The following CEP63 variants were observed in gnomAD, a reference collection of about 807,000 sequenced individuals.
The protein encoded by CEP63 is centrosomal protein 63.
In CEP63, 84 loss-of-function variants were observed where a neutral mutation model predicts 89.1. That is an observed-to-expected ratio of 0.94 (90% CI 0.79 to 1.13). The LOEUF is 1.13. CEP63 is among the 50% of genes most tolerant of loss of function. The pLI, the probability that CEP63 is intolerant of heterozygous loss-of-function variation, is 0.00. For missense variants in CEP63, 838 were observed against 813.3 expected, an observed-to-expected ratio of 1.03 and a Z score of -0.37; for synonymous variants, 267 against 272.5, an observed-to-expected ratio of 0.98 and a Z score of 0.20.
Position 134,549,081 on chromosome 3 carries a change from A to G in CEP63, c.1087A>G (p.Thr363Ala), listed in dbSNP as rs749003906. The G allele has an allele frequency of 3.1e-6, 5 of 1,612,480 alleles. No homozygotes were observed. Among genetic ancestry groups the G allele is most frequent in the Admixed American group, 3.3e-5 (2 of 60,002 alleles). Reference protein sequence around the residue: ...LEGSLESVSATCKQLSQELME... With the variant: ...LEGSLESVSAACKQLSQELME... Reference sequence around the variant, plus strand: ...ATACAGTTTGGAATCTGTGAGTGCAACGTGTAAACAGCTGAGCCAAGAACT... The same window carrying G: ...ATACAGTTTGGAATCTGTGAGTGCAGCGTGTAAACAGCTGAGCCAAGAACT... The change falls in exon 10 of 15, where the codon ACG (threonine) becomes GCG (alanine). Residue 363 changes from threonine (T) to alanine (A), a missense_variant. Physicochemically the swap from Thr to Ala is moderately conservative, Grantham distance 58 (BLOSUM62 0). Coordinates refer to ENST00000675561, the MANE Select transcript of CEP63 (RefSeq NM_001353108.3).
chr3:134,684,334 C>G, the CEP63 span, among the ~76,000 whole-genome samples: 1 of 152,160 alleles, frequency 6.6e-6, no homozygotes, highest in Admixed American at 6.5e-5. Context: ...TAAAGTCTTC[C>G]TTTCCATCTT....
At chr3:134,699,682 A>T in the CEP63 span, among the ~76,000 whole-genome samples, 8 of 152,156 alleles carry the variant, frequency 5.3e-5, no homozygotes, top group Non-Finnish European at 4.4e-5. Context: ...TCCTGTACAC[A>T]TCACAATCAC....
chr3:134,638,790 A>G, the CEP63 span, among the ~76,000 whole-genome samples: 4 of 152,354 alleles, frequency 2.6e-5, no homozygotes, highest in South Asian at 2.1e-4. Flanking sequence ...GGATTTATCT[A>G]AAGGCCTAAT....
the CEP63 span, among the ~76,000 whole-genome samples, chr3:134,680,767 G>C: frequency 6.6e-6 from 1 of 152,328 alleles, no homozygotes; most frequent in East Asian, 1.9e-4. Flanking sequence ...GAAAAGAAGA[G>C]AGCTCAAAGA....
downstream of CEP63, among the ~76,000 whole-genome samples, chr3:134,589,833 G>T (rs1390609477): frequency 6.6e-6 from 1 of 152,026 alleles, no homozygotes; most frequent in Non-Finnish European, 1.5e-5. Context: ...AATAGCAAAG[G>T]CATGGAATCA....
At chr3:134,744,796 G>C in the CEP63 span, among the ~76,000 whole-genome samples, 3 of 152,100 alleles carry the variant, frequency 2.0e-5, no homozygotes, top group African/African-American at 7.2e-5. Context: ...AGGATTAGTG[G>C]TGTGAGCCAC....
the CEP63 span, among the ~76,000 whole-genome samples, chr3:134,667,803 G>T: frequency 2.0e-5 from 3 of 152,182 alleles, no homozygotes; most frequent in Non-Finnish European, 4.4e-5. Flanking sequence ...AGACCCCGGG[G>T]CAAAGAGAGC....
At chr3:134,733,160 C>T in the CEP63 span, among the ~76,000 whole-genome samples, 1 of 152,088 alleles carries the variant, frequency 6.6e-6, no homozygotes, top group African/African-American at 2.4e-5. Context: ...GGACAAGACA[C>T]CATCTCTATA....
At chr3:134,700,678 C>G in the CEP63 span, among the ~76,000 whole-genome samples, 2 of 152,098 alleles carry the variant, frequency 1.3e-5, no homozygotes, top group South Asian at 4.1e-4. Context: ...ACAGTCATAT[C>G]ACAGATTAGA....
At chr3:134,648,799 C>T in the CEP63 span, among the ~76,000 whole-genome samples, 1 of 152,312 alleles carries the variant, frequency 6.6e-6, no homozygotes, top group East Asian at 1.9e-4. Context: ...TGCATTGCAA[C>T]AATAATTGAG....
At chr3:134,644,972 G>A in the CEP63 span, among the ~76,000 whole-genome samples, 2 of 152,254 alleles carry the variant, frequency 1.3e-5, no homozygotes, top group Non-Finnish European at 2.9e-5. Context: ...GGCCAGGACC[G>A]CCTTCTGCAG....
intron 2 of CEP63, among the ~76,000 whole-genome samples, chr3:134,503,100 C>CTTTTTTTT (rs34673408): frequency 3.5e-3 from 325 of 91,948 alleles, no homozygotes; most frequent in Middle Eastern, 8.9e-3. Flanking sequence ...TGATTTCAAT[C>CTTTTTTTT]TTTTTTTTTT....
At chr3:134,689,943 C>G in the CEP63 span, among the ~76,000 whole-genome samples, 2 of 152,134 alleles carry the variant, frequency 1.3e-5, no homozygotes, top group Non-Finnish European at 2.9e-5. Context: ...AAGTCAATTG[C>G]CTGACAGAAT....
the CEP63 span, among the ~76,000 whole-genome samples, chr3:134,694,332 C>G: frequency 1.9e-4 from 29 of 152,338 alleles, no homozygotes; most frequent in Non-Finnish European, 2.6e-4. Flanking sequence ...TGTCCAGGCT[C>G]CTCATCTGGC....
chr3:134,603,898 A>G, the CEP63 span: 2 of 1,613,992 alleles, frequency 1.2e-6, no homozygotes, highest in South Asian at 2.2e-5. Context: ...GGCACAGCAT[A>G]CAAGGTAATT....
the CEP63 span, among the ~76,000 whole-genome samples, chr3:134,697,430 C>A: frequency 6.6e-6 from 1 of 152,170 alleles, no homozygotes; most frequent in South Asian, 2.1e-4. Context: ...GTTTTGGGCA[C>A]GTGGCTTTCT....
chr3:134,774,827 C>G, the CEP63 span, among the ~76,000 whole-genome samples: 1,458 of 152,322 alleles, frequency 9.6e-3, 27 homozygotes, highest in African/African-American at 0.032. Context: ...TACCTCCCCT[C>G]TTCAGTCTCA....
intron 11 of CEP63, among the ~76,000 whole-genome samples, chr3:134,574,582 G>T (rs1251986993): frequency 2.6e-5 from 4 of 152,060 alleles, no homozygotes; most frequent in African/African-American, 9.7e-5. Context: ...TATTTGATTA[G>T]ATTCAAAATT....
chr3:134,690,779 C>T, the CEP63 span, among the ~76,000 whole-genome samples: 462 of 124,586 alleles, frequency 3.7e-3, 1 homozygote, highest in Non-Finnish European at 4.0e-3. Context: ...GATAGAGTCT[C>T]GCTCTGTCAC....
Sources: gnomAD v4.1 joint callset for allele counts (sites outside exome capture counted in the v4.1 genomes callset) on GRCh38, gnomAD v4.1.1 for gene constraint, MANE v1.5 for transcripts, NCBI Gene and HGNC (gene_info 2026-07-23, HGNC 2026-07-21) for gene names.